LRMDA: variants seen among roughly 807,000 people sequenced by gnomAD.
The protein encoded by LRMDA is leucine-rich melanocyte differentiation-associated protein.
A neutral mutation model predicts 29.8 loss-of-function variants in LRMDA; 18 were observed. The ratio of observed to expected loss-of-function variants is 0.60; its 90% CI spans 0.42 to 0.90. LRMDA has a LOEUF of 0.90. LRMDA is among the 40% of genes least tolerant of loss of function. LRMDA has a pLI of 0.00. For missense variants in LRMDA, 273 were observed against 273.9 expected (o/e 1.00, Z 0.02); for synonymous variants, 125 against 109.4 (o/e 1.14, Z -0.89).
intron 2 of LRMDA, among the ~76,000 whole-genome samples, chr10:75,918,780 T>A (rs1003228034): frequency 2.0e-5 from 3 of 152,170 alleles, no homozygotes; most frequent in Admixed American, 2.0e-4. Flanking sequence ...AGTAGGTAAG[T>A]ATGAATGTGA....
intron 2 of LRMDA, among the ~76,000 whole-genome samples, chr10:75,566,035 A>G (rs1453024627): frequency 3.3e-5 from 5 of 152,228 alleles, no homozygotes; most frequent in African/African-American, 1.2e-4. Flanking sequence ...AGATCATGCC[A>G]CTGCACTGCA....
intron 6 of LRMDA, among the ~76,000 whole-genome samples, chr10:76,527,699 A>G (rs914168625): frequency 1.1e-4 from 16 of 152,190 alleles, no homozygotes; most frequent in African/African-American, 3.6e-4. Flanking sequence ...ATGCATAGAA[A>G]AAGCTCAGTG....
At chr10:76,258,724 C>CA (rs1182937319) in intron 5 of LRMDA, among the ~76,000 whole-genome samples, 1 of 152,052 alleles carries the variant, frequency 6.6e-6, no homozygotes, top group African/African-American at 2.4e-5. Context: ...TTAGTTAGTT[C>CA]TGTTCCTGAC....
At chr10:76,406,816 A>G (rs1841907070) in intron 6 of LRMDA, among the ~76,000 whole-genome samples, 1 of 152,176 alleles carries the variant, frequency 6.6e-6, no homozygotes, top group Admixed American at 6.5e-5. Context: ...TGGTCCATAG[A>G]ATGAGCCCGA....
intron 2 of LRMDA, among the ~76,000 whole-genome samples, chr10:75,922,256 G>A (rs1029009618): frequency 6.6e-5 from 10 of 152,298 alleles, no homozygotes; most frequent in African/African-American, 2.4e-4. Context: ...CTACTCTGAA[G>A]CTTTCAATTG....
chr10:75,579,864 T>C (rs1347726488), intron 2 of LRMDA, among the ~76,000 whole-genome samples: 3 of 152,150 alleles, frequency 2.0e-5, no homozygotes, highest in Non-Finnish European at 4.4e-5. Context: ...TTTGACAAAA[T>C]TCAACAGCCT....
chr10:75,558,669 T>C (rs1364376647), intron 2 of LRMDA, among the ~76,000 whole-genome samples: 1 of 149,724 alleles, frequency 6.7e-6, no homozygotes, highest in African/African-American at 2.5e-5. Flanking sequence ...CTCCTAATGC[T>C]ATCCCTCCCC....
chr10:76,323,398 G>A (rs184794448), intron 5 of LRMDA, among the ~76,000 whole-genome samples: 3 of 151,958 alleles, frequency 2.0e-5, no homozygotes, highest in Non-Finnish European at 4.4e-5. Flanking sequence ...TTCCCGCTCC[G>A]GAAAGAAAAA....
intron 6 of LRMDA, among the ~76,000 whole-genome samples, chr10:76,491,361 C>G (rs1445902322): frequency 6.6e-6 from 1 of 151,974 alleles, no homozygotes; most frequent in Non-Finnish European, 1.5e-5. Flanking sequence ...GTAGGGCAGT[C>G]TGGTGTTGAT....
At chr10:75,524,388 G>T (rs1395662598) in intron 2 of LRMDA, among the ~76,000 whole-genome samples, 1 of 151,974 alleles carries the variant, frequency 6.6e-6, no homozygotes, top group African/African-American at 2.4e-5. Context: ...TGGGTCTTGG[G>T]GTTACTCATC....
chr10:76,136,993 G>T (rs1431508208), intron 5 of LRMDA, among the ~76,000 whole-genome samples: 2 of 152,186 alleles, frequency 1.3e-5, no homozygotes, highest in Non-Finnish European at 2.9e-5. Context: ...TAGCCCTCCT[G>T]TACAGCTCAT....
chr10:76,304,326 T>C (rs1589419368), intron 5 of LRMDA, among the ~76,000 whole-genome samples: 1 of 152,350 alleles, frequency 6.6e-6, no homozygotes, highest in East Asian at 1.9e-4. Context: ...TTCCCATTTG[T>C]AGCCCAGTCT....
At chr10:76,490,589 G>C (rs1036671649) in intron 6 of LRMDA, among the ~76,000 whole-genome samples, 5 of 151,882 alleles carry the variant, frequency 3.3e-5, no homozygotes, top group African/African-American at 1.2e-4. Flanking sequence ...TCTAATATAA[G>C]CATAGCTACT....
intron 5 of LRMDA, among the ~76,000 whole-genome samples, chr10:76,197,364 ATTATT>A (rs1395528569): frequency 6.6e-6 from 1 of 152,150 alleles, no homozygotes; most frequent in Non-Finnish European, 1.5e-5. Flanking sequence ...TGTACAATTC[ATTATT>A]TTATTGCATT....
chr10:76,039,740 C>T (rs565099863), intron 3 of LRMDA, among the ~76,000 whole-genome samples: 44 of 152,266 alleles, frequency 2.9e-4, no homozygotes, highest in African/African-American at 9.1e-4. Context: ...TTTTGGTTTC[C>T]TTTGAAAATG....
chr10:75,693,267 C>T (rs1013384717), intron 2 of LRMDA, among the ~76,000 whole-genome samples: 82 of 152,156 alleles, frequency 5.4e-4, no homozygotes, highest in African/African-American at 1.8e-3. Context: ...AAATTATCTC[C>T]TATTTGTGCA....
At chr10:75,697,746 A>G (rs1842253617) in intron 2 of LRMDA, among the ~76,000 whole-genome samples, 1 of 152,194 alleles carries the variant, frequency 6.6e-6, no homozygotes, top group South Asian at 2.1e-4. Flanking sequence ...TTAAAAAACA[A>G]AAGCTTAAGA....
chr10:76,108,584 T>C (rs1197257257), intron 5 of LRMDA, among the ~76,000 whole-genome samples: 2 of 152,240 alleles, frequency 1.3e-5, no homozygotes, highest in East Asian at 1.9e-4. Flanking sequence ...TGTTTTTCTC[T>C]GGTTATTGCA....
chr10:75,544,910 G>A (rs1291999602), intron 2 of LRMDA, among the ~76,000 whole-genome samples: 1 of 152,192 alleles, frequency 6.6e-6, no homozygotes, highest in Non-Finnish European at 1.5e-5. Flanking sequence ...GGGATGTGCT[G>A]TTAGAATCTC....
Sources: allele counts gnomAD v4.1 joint callset (sites outside exome capture counted in the v4.1 genomes callset), GRCh38; gene constraint gnomAD v4.1.1; transcripts MANE v1.5; gene names NCBI Gene and HGNC (gene_info 2026-07-23, HGNC 2026-07-21).